Variants in CNTNAP2 observed in about 807,000 individuals in gnomAD.
The protein encoded by CNTNAP2 is contactin-associated protein-like 2.
Under a neutral mutation model 155.2 loss-of-function variants are expected in CNTNAP2, and 98 were observed. The observed-to-expected ratio is 0.63, with a 90% CI of 0.54 to 0.75. The LOEUF is 0.75. Ranked by LOEUF, CNTNAP2 falls within the 30% of genes least tolerant of loss-of-function variation. The pLI is 0.00. For missense variants in CNTNAP2, 1,727 were observed against 1,688.1 expected (o/e 1.02, Z -0.40); for synonymous variants, 651 against 631.2 (o/e 1.03, Z -0.47).
At chr7:147,681,045 T>C (rs896315401) in intron 13 of CNTNAP2, among the ~76,000 whole-genome samples, 6 of 152,014 alleles carry the variant, frequency 3.9e-5, no homozygotes, top group African/African-American at 1.2e-4. Flanking sequence ...TCCATTTCTG[T>C]TCCACATAAA....
chr7:146,391,778 G>C (rs1563066675), intron 1 of CNTNAP2, among the ~76,000 whole-genome samples: 1 of 150,804 alleles, frequency 6.6e-6, no homozygotes, highest in Non-Finnish European at 1.5e-5. Context: ...GTTGTTGTTG[G>C]CTAAATGATT....
At chr7:148,275,390 T>C (rs1796854183) in intron 21 of CNTNAP2, among the ~76,000 whole-genome samples, 1 of 151,966 alleles carries the variant, frequency 6.6e-6, no homozygotes, top group Admixed American at 6.5e-5. Flanking sequence ...GGGACCCTAA[T>C]GAAGAGTTAG....
At position 147,166,451 on chromosome 7, in the gene CNTNAP2, C is replaced by T. The variant is rs1263624575; in HGVS notation, c.1348+33942C>T. Among the ~76,000 whole-genome samples the T allele has an allele frequency of 3.3e-5, 5 of 152,032 alleles. No individual in the cohort carries two copies. In the South Asian group the frequency reaches 8.3e-4, roughly 25 times the overall value. On this transcript the variant is annotated intron_variant, in intron 8 of 23. Coordinates refer to ENST00000361727, the MANE Select transcript of CNTNAP2 (RefSeq NM_014141.6). ...CAAATTGAGTTCAGTGTATACCGCT[C>T]GGGTGATGGGTGCACCAAAATCTCA...
chr7:147,472,534 C>T (rs185748249), intron 10 of CNTNAP2, among the ~76,000 whole-genome samples: 72 of 152,050 alleles, frequency 4.7e-4, no homozygotes, highest in East Asian at 2.7e-3. Flanking sequence ...TTTAAAGTAG[C>T]GTGACATGTG....
chr7:146,684,639 C>CAAAA (rs3080477), intron 1 of CNTNAP2, among the ~76,000 whole-genome samples: 4,473 of 63,402 alleles, frequency 0.071, 890 homozygotes, highest in African/African-American at 0.25. Context: ...AGATCCAGCG[C>CAAAA]AAAAAAAAAA....
chr7:146,243,073 G>T (rs1799589648), intron 1 of CNTNAP2, among the ~76,000 whole-genome samples: 1 of 151,898 alleles, frequency 6.6e-6, no homozygotes. Flanking sequence ...CTGTTTTTTA[G>T]TCTTCCTCCA....
intron 21 of CNTNAP2, among the ~76,000 whole-genome samples, chr7:148,307,888 G>A (rs550000861): frequency 5.7e-4 from 87 of 152,282 alleles, no homozygotes; most frequent in African/African-American, 2.1e-3. Context: ...CAGGAGAATT[G>A]CTTGAGCCTG....
intron 16 of CNTNAP2, among the ~76,000 whole-genome samples, chr7:148,127,355 A>T (rs1278153277): frequency 6.6e-6 from 1 of 152,190 alleles, no homozygotes; most frequent in Non-Finnish European, 1.5e-5. Context: ...GAAATTTTGA[A>T]GGAAAAGCTC....
At chr7:146,571,180 T>C (rs1242994603) in intron 1 of CNTNAP2, among the ~76,000 whole-genome samples, 8 of 152,100 alleles carry the variant, frequency 5.3e-5, no homozygotes. Flanking sequence ...TTTAAGAAGA[T>C]ATAATTCATG....
At chr7:148,214,310 G>A (rs1795600505) in intron 18 of CNTNAP2, among the ~76,000 whole-genome samples, 1 of 152,202 alleles carries the variant, frequency 6.6e-6, no homozygotes, top group Non-Finnish European at 1.5e-5. Flanking sequence ...AGCACATTTA[G>A]GTAGTGAGAT....
intron 21 of CNTNAP2, among the ~76,000 whole-genome samples, chr7:148,347,533 GTT>G (rs1056220022): frequency 1.7e-4 from 26 of 152,118 alleles, no homozygotes; most frequent in African/African-American, 6.3e-4. Flanking sequence ...CATGTGACCA[GTT>G]ATTTGATTGT....
At chr7:148,032,229 A>T (rs1183126002) in intron 15 of CNTNAP2, among the ~76,000 whole-genome samples, 1 of 152,202 alleles carries the variant, frequency 6.6e-6, no homozygotes, top group Non-Finnish European at 1.5e-5. Context: ...AGACATTGAC[A>T]GTCCATCTAT....
chr7:148,414,785 C>T (rs1799938774), intron 23 of CNTNAP2: 1 of 155,936 alleles, frequency 6.4e-6, no homozygotes, highest in Non-Finnish European at 1.4e-5. Context: ...GTATTAAATG[C>T]TCTGATTGTT....
chr7:146,911,654 G>T lies in CNTNAP2; in HGVS notation c.402+71750G>T, dbSNP rs181450412. On this transcript the variant is annotated intron_variant, in intron 3 of 23. Coordinates refer to ENST00000361727, the MANE Select transcript of CNTNAP2 (RefSeq NM_014141.6). Reference sequence around the variant, plus strand: ...GGGAGTACCACACTCTGGGGACTGTGGTGGGGTGGGGGGAGGGGGGAGGGA... The same window carrying T: ...GGGAGTACCACACTCTGGGGACTGTTGTGGGGTGGGGGGAGGGGGGAGGGA... Among the ~76,000 whole-genome samples the T allele has an allele frequency of 1.0e-4, 13 of 126,626 alleles. No homozygotes were observed. In the East Asian group the frequency reaches 1.2e-3, roughly 11 times the overall value. 83.1% of individuals were successfully genotyped at this position (126,626 alleles called of 152,430 possible). A position where few individuals can be genotyped will look rare whatever the true frequency, so the allele number is the denominator to read the frequency against.
intron 3 of CNTNAP2, among the ~76,000 whole-genome samples, chr7:146,925,208 AG>A (rs1376824205): frequency 6.6e-6 from 1 of 152,126 alleles, no homozygotes; most frequent in African/African-American, 2.4e-5. Context: ...GCAAATGCAA[AG>A]ATTAATCACT....
At chr7:148,059,041 G>T (rs1455774931) in intron 15 of CNTNAP2, among the ~76,000 whole-genome samples, 3 of 152,124 alleles carry the variant, frequency 2.0e-5, no homozygotes, top group Non-Finnish European at 2.9e-5. Flanking sequence ...AGCATTTTGG[G>T]AGGCCAAGGT....
At chr7:147,083,559 T>C (rs1364246241) in intron 4 of CNTNAP2, among the ~76,000 whole-genome samples, 2 of 143,950 alleles carry the variant, frequency 1.4e-5, no homozygotes, top group Non-Finnish European at 3.0e-5. Flanking sequence ...TGTATATATA[T>C]ATATACACAT....
Position 148,117,993 on chromosome 7 carries a change from A to G in CNTNAP2, c.2384-125A>G, listed in dbSNP as rs574890174. On this transcript the variant is annotated intron_variant, in intron 15 of 23. Transcript: ENST00000361727. Reference sequence around the variant, plus strand: ...TGAGGATTTGGTCCAATGTTGTTCAACAGAATGAGAGAAAATAATGACTAT... The same window carrying G: ...TGAGGATTTGGTCCAATGTTGTTCAGCAGAATGAGAGAAAATAATGACTAT... 60 of 1,121,008 alleles carry G rather than the reference A, an allele frequency of 5.4e-5. No homozygotes were observed. The East Asian group carries it at 1.4e-3, about 26-fold the overall frequency. 69.4% of individuals were successfully genotyped at this position (1,121,008 alleles called of 1,614,324 possible).
rs564400879 is a variant in CNTNAP2, at chr7:146,570,464, A to AT, written c.98-203801dup. 4.8e-3 allele frequency among the ~76,000 whole-genome samples: 724 copies of AT among 152,234 alleles called. 5 individuals are homozygous for AT. The highest frequency in any genetic ancestry group is 0.016 in the African/African-American group (674 of 41,552). ...ATTAAATATCATTTTTTAATCCAGA[A>AT]TTTTTTCCTGTACTAAGGACAAAAT... is the stretch of plus-strand genomic sequence containing the variant. On this transcript the variant is annotated intron_variant, in intron 1 of 23. Coordinates refer to ENST00000361727, the MANE Select transcript of CNTNAP2 (RefSeq NM_014141.6).
Sources: gnomAD v4.1 joint callset for allele counts (sites outside exome capture counted in the v4.1 genomes callset) on GRCh38, gnomAD v4.1.1 for gene constraint, MANE v1.5 for transcripts, NCBI Gene and HGNC (gene_info 2026-07-23, HGNC 2026-07-21) for gene names.